The following UNC5D variants were observed in gnomAD, a reference collection of about 807,000 sequenced individuals.
UNC5D encodes unc-5 netrin receptor D.
Under a neutral mutation model 105.4 loss-of-function variants are expected in UNC5D, and 39 were observed. The ratio of observed to expected loss-of-function variants is 0.37; its 90% CI spans 0.29 to 0.48. The LOEUF is 0.48. Ranked by LOEUF, UNC5D falls within the 20% of genes least tolerant of loss-of-function variation. UNC5D has a pLI of 0.98. For missense variants in UNC5D, 991 were observed against 1,202.4 expected (o/e 0.82, Z 2.60); for synonymous variants, 452 against 450.4 (o/e 1.00, Z -0.04).
chr8:35,633,212 G>A (rs1421655102), intron 4 of UNC5D, among the ~76,000 whole-genome samples: 1 of 152,146 alleles, frequency 6.6e-6, no homozygotes, highest in Non-Finnish European at 1.5e-5. Context: ...TAAAAGGTTG[G>A]TAACACAACT....
At chr8:35,773,993 G>A (rs992321431) in intron 15 of UNC5D, among the ~76,000 whole-genome samples, 11 of 152,102 alleles carry the variant, frequency 7.2e-5, no homozygotes, top group Admixed American at 7.2e-4. Flanking sequence ...CAAAGTGCTG[G>A]GATTACAAGC....
At chr8:35,545,914 G>C (rs1234780457) in intron 1 of UNC5D, among the ~76,000 whole-genome samples, 2 of 151,678 alleles carry the variant, frequency 1.3e-5, no homozygotes, top group African/African-American at 4.8e-5. Context: ...TTTTGAAATA[G>C]GGTCTGTCTC....
At chr8:35,471,878 T>C (rs1410626727) in intron 1 of UNC5D, among the ~76,000 whole-genome samples, 1 of 152,218 alleles carries the variant, frequency 6.6e-6, no homozygotes, top group East Asian at 1.9e-4. Flanking sequence ...CTGAGATATA[T>C]TGATGCCTTA....
intron 4 of UNC5D, among the ~76,000 whole-genome samples, chr8:35,651,615 C>T (rs1823408533): frequency 6.6e-6 from 1 of 152,196 alleles, no homozygotes; most frequent in Non-Finnish European, 1.5e-5. Context: ...CGTGCTCCTG[C>T]AACCTCTCTC....
At chr8:35,363,166 C>T (rs1801942171) in intron 1 of UNC5D, among the ~76,000 whole-genome samples, 1 of 152,044 alleles carries the variant, frequency 6.6e-6, no homozygotes, top group Non-Finnish European at 1.5e-5. Context: ...TAAAGACATA[C>T]CCGAGACTGG....
At chr8:35,366,779 A>T (rs957019782) in intron 1 of UNC5D, among the ~76,000 whole-genome samples, 3 of 152,126 alleles carry the variant, frequency 2.0e-5, no homozygotes, top group East Asian at 1.9e-4. Flanking sequence ...AAAACAGTTT[A>T]AAAAATCAGG....
chr8:35,717,085 T>C (rs890585965), intron 8 of UNC5D, among the ~76,000 whole-genome samples: 2 of 152,232 alleles, frequency 1.3e-5, no homozygotes, highest in Non-Finnish European at 2.9e-5. Context: ...ATTTACTGTA[T>C]GGATTCCTTA....
chr8:35,477,871 A>G (rs1810222090), intron 1 of UNC5D, among the ~76,000 whole-genome samples: 1 of 152,112 alleles, frequency 6.6e-6, no homozygotes, highest in Non-Finnish European at 1.5e-5. Flanking sequence ...TTGAGTTTCT[A>G]TTTATATTTT....
chr8:35,724,936 T>TG (rs1828780514), intron 9 of UNC5D, among the ~76,000 whole-genome samples: 1 of 150,982 alleles, frequency 6.6e-6, no homozygotes, highest in Non-Finnish European at 1.5e-5. Context: ...CACTCATGCA[T>TG]GGAAAAAAAA....
At chr8:35,363,767 CT>C (rs1307717707) in intron 1 of UNC5D, among the ~76,000 whole-genome samples, 1 of 152,064 alleles carries the variant, frequency 6.6e-6, no homozygotes, top group Non-Finnish European at 1.5e-5. Context: ...TATGGTTGTG[CT>C]TTAAGAACAC....
intron 4 of UNC5D, among the ~76,000 whole-genome samples, chr8:35,635,215 T>G (rs974578570): frequency 2.0e-5 from 3 of 152,270 alleles, no homozygotes; most frequent in Admixed American, 6.5e-5. Context: ...GACTCTCCCT[T>G]TCCTCCTCCA....
chr8:35,597,169 G>T (rs1006825175), intron 4 of UNC5D, among the ~76,000 whole-genome samples: 1 of 152,202 alleles, frequency 6.6e-6, no homozygotes, highest in Non-Finnish European at 1.5e-5. Flanking sequence ...TAGAAAGCAT[G>T]CTGGGTGGAC....
At chr8:35,489,480 C>T (rs1811058742) in intron 1 of UNC5D, among the ~76,000 whole-genome samples, 1 of 152,172 alleles carries the variant, frequency 6.6e-6, no homozygotes, top group Non-Finnish European at 1.5e-5. Context: ...TTAATCTAAT[C>T]TTACTGATGT....
At position 35,549,459 on chromosome 8, in the gene UNC5D, T is replaced by C; in HGVS notation, c.271T>C (p.Trp91Arg). The change falls in exon 2 of 17, where the codon TGG (tryptophan) becomes CGG (arginine). Residue 91 changes from tryptophan (W) to arginine (R), a missense_variant. Trp to Arg is a moderately radical substitution (Grantham distance 101, BLOSUM62 -3). Coordinates refer to ENST00000404895, the MANE Select transcript of UNC5D (RefSeq NM_080872.4). ...MQIFFKCNGE[W>R]VHQNEHVSEE... ...GATATTCTTCAAATGCAACGGCGAGTGGGTCCATCAGAACGAGCACGTCTC... is the reference window on the plus strand; with the variant it reads ...GATATTCTTCAAATGCAACGGCGAGCGGGTCCATCAGAACGAGCACGTCTC... 1 of 1,612,518 alleles carries C rather than the reference T, an allele frequency of 6.2e-7. No homozygotes were observed. Among genetic ancestry groups the C allele is most frequent in the Non-Finnish European group, 8.5e-7 (1 of 1,179,950 alleles).
At chr8:35,517,277 G>T (rs1407029186) in intron 1 of UNC5D, among the ~76,000 whole-genome samples, 3 of 152,200 alleles carry the variant, frequency 2.0e-5, no homozygotes, top group Non-Finnish European at 4.4e-5. Context: ...CGTGTTCAAA[G>T]AATTTGGGAA....
intron 1 of UNC5D, among the ~76,000 whole-genome samples, chr8:35,271,585 T>C (rs530671835): frequency 6.9e-6 from 1 of 145,868 alleles, no homozygotes; most frequent in Admixed American, 6.9e-5. Flanking sequence ...GGCATACATA[T>C]ATATTTATAT....
At chr8:35,255,561 G>A (rs1471046504) in intron 1 of UNC5D, 2 of 152,032 alleles carry the variant, frequency 1.3e-5, no homozygotes, top group Admixed American at 1.3e-4. Flanking sequence ...GAGAAGGCTG[G>A]TTTTTCTACT....
At chr8:35,404,805 G>A (rs1804697266) in intron 1 of UNC5D, among the ~76,000 whole-genome samples, 1 of 152,050 alleles carries the variant, frequency 6.6e-6, no homozygotes, top group African/African-American at 2.4e-5. Flanking sequence ...GGCCAGGCTG[G>A]TCTTGAACTC....
At chr8:35,342,206 A>G (rs1375206155) in intron 1 of UNC5D, among the ~76,000 whole-genome samples, 1 of 152,030 alleles carries the variant, frequency 6.6e-6, no homozygotes, top group Non-Finnish European at 1.5e-5. Context: ...AGGATTTTGG[A>G]CCTTTTCCGT....
Sources: allele counts gnomAD v4.1 joint callset (sites outside exome capture counted in the v4.1 genomes callset), GRCh38; gene constraint gnomAD v4.1.1; transcripts MANE v1.5; gene names NCBI Gene and HGNC (gene_info 2026-07-23, HGNC 2026-07-21).